The following INPP5D variants were observed in gnomAD, a reference collection of about 807,000 sequenced individuals.
The protein encoded by INPP5D is phosphatidylinositol 3,4,5-trisphosphate 5-phosphatase 1.
INPP5D carries 33 observed loss-of-function variants against 122.9 expected under a neutral mutation model. The ratio of observed to expected loss-of-function variants is 0.27; its 90% CI spans 0.20 to 0.36. The LOEUF is 0.36. Among genes scored for constraint, INPP5D ranks in the 10% least tolerant of loss-of-function variants. The pLI is 1.00. For missense variants in INPP5D, 1,053 were observed against 1,412.7 expected, an observed-to-expected ratio of 0.75 and a Z score of 4.08; for synonymous variants, 584 against 576.2, an observed-to-expected ratio of 1.01 and a Z score of -0.19.
rs966258231 is a variant in INPP5D, at chr2:233,082,143, T to A, written c.198+2745T>A. ...GTAGCTGACATGGTACAGGGAGCTG[T>A]GGACCTAGGTGGTCTGAAGAGGTTT... On this transcript the variant is annotated intron_variant, in intron 2 of 26. Coordinates refer to ENST00000445964, the MANE Select transcript of INPP5D (RefSeq NM_001017915.3). The surrounding 1 kb of genome is among the most constrained non-coding windows in gnomAD (Gnocchi z 4.7). Among the ~76,000 whole-genome samples, 2 of 152,144 alleles carry A rather than the reference T, an allele frequency of 1.3e-5. No individual in the cohort carries two copies. The highest frequency in any genetic ancestry group is 4.8e-5 in the African/African-American group (2 of 41,444).
intron 25 of INPP5D, among the ~76,000 whole-genome samples, chr2:233,199,797 C>G (rs1374205490): frequency 1.3e-5 from 2 of 152,134 alleles, no homozygotes; most frequent in Non-Finnish European, 2.9e-5. Flanking sequence ...CCACTGCACT[C>G]CAGCCTGGGC....
At chr2:233,104,535 C>G (rs947425026) in intron 2 of INPP5D, among the ~76,000 whole-genome samples, 1 of 151,972 alleles carries the variant, frequency 6.6e-6, no homozygotes, top group Non-Finnish European at 1.5e-5. Context: ...AAGGTGAGGT[C>G]GGAAGTGTGC....
At chr2:233,073,458 G>A (rs1691435428) in intron 1 of INPP5D, among the ~76,000 whole-genome samples, 1 of 151,960 alleles carries the variant, frequency 6.6e-6, no homozygotes. Context: ...TGGCCAACAT[G>A]GTGAAACCCC....
At chr2:233,174,948 C>T (rs911329478) in intron 17 of INPP5D, among the ~76,000 whole-genome samples, 3 of 151,986 alleles carry the variant, frequency 2.0e-5, no homozygotes, top group African/African-American at 4.8e-5. Flanking sequence ...AATGTTTAGC[C>T]GGGCATGGTG....
At chr2:233,113,535 G>A (rs1193927268) in intron 2 of INPP5D, among the ~76,000 whole-genome samples, 2 of 152,136 alleles carry the variant, frequency 1.3e-5, no homozygotes, top group Non-Finnish European at 2.9e-5. Flanking sequence ...CCATGTGGCT[G>A]AAGAGAGATT....
chr2:233,092,679 A>G (rs1249616085), intron 2 of INPP5D, among the ~76,000 whole-genome samples: 3 of 152,224 alleles, frequency 2.0e-5, no homozygotes, highest in African/African-American at 7.2e-5. Flanking sequence ...CCTTAATTGC[A>G]TGTGGCAGAA....
intron 2 of INPP5D, among the ~76,000 whole-genome samples, chr2:233,096,153 G>A (rs1692133435): frequency 6.6e-6 from 1 of 152,148 alleles, no homozygotes; most frequent in African/African-American, 2.4e-5. Flanking sequence ...CTATTACTGG[G>A]TTGAAGGAAT....
In INPP5D at chr2:233,204,490, G is replaced by A. The variant is rs183268527; in HGVS notation, c.3340G>A (p.Ala1114Thr). 1.3e-6 allele frequency: 2 copies of A among 1,583,260 alleles called. No homozygotes were observed. The highest frequency in any genetic ancestry group is 1.1e-5 in the South Asian group (1 of 87,100). ...GCCCAAGACCCCGGTCAGCTCCCAG[G>A]CCCCGGTGCCGGCCAAGAGGCCCAT... is the stretch of plus-strand genomic sequence containing the variant. Reference protein sequence around the residue: ...GKPKTPVSSQAPVPAKRPIKP... With the variant: ...GKPKTPVSSQTPVPAKRPIKP... The change falls in exon 26 of 27, where the codon GCC (alanine) becomes ACC (threonine). Residue 1114 changes from alanine (A) to threonine (T), a missense_variant. By Grantham distance (58) the Ala-to-Thr change is moderately conservative. This residue lies in a region of INPP5D where 417 missense variants were observed against 425.8 expected (regional missense o/e 0.98). Coordinates refer to ENST00000445964, the MANE Select transcript of INPP5D (RefSeq NM_001017915.3).
At chr2:233,174,324 C>T (rs915410182) in intron 17 of INPP5D, among the ~76,000 whole-genome samples, 3 of 152,190 alleles carry the variant, frequency 2.0e-5, no homozygotes, top group Non-Finnish European at 2.9e-5. Flanking sequence ...TAATGTGTTG[C>T]GCTGTGACGT....
At chr2:233,117,541 G>A (rs772227583) in intron 2 of INPP5D, among the ~76,000 whole-genome samples, 3 of 152,152 alleles carry the variant, frequency 2.0e-5, no homozygotes, top group Admixed American at 1.3e-4. Context: ...AGGCCACAGC[G>A]CCTGCTGGGC....
At position 233,170,543 on chromosome 2, in the gene INPP5D, C is replaced by T. The variant is rs200155452; in HGVS notation, c.1839C>T (p.Asp613=). The part of the protein sequence containing the change: ...IQKIKQQQYA[D]LLSHDQLLTE... The stretch of plus-strand genomic sequence containing the variant: ...AAATCAAGCAGCAGCAGTACGCAGA[C>T]CTCCTGTCCCACGACCAGCTGCTCA... The change falls in exon 16 of 27, where the codon GAC becomes GAT. Residue 613 remains aspartate, a synonymous_variant. Coordinates refer to ENST00000445964, the MANE Select transcript of INPP5D (RefSeq NM_001017915.3). This position sits in a 1 kb window ranked among gnomAD's most constrained non-coding sequence, Gnocchi z 4.5. The T allele has an allele frequency of 1.1e-5, 17 of 1,613,650 alleles. No individual in the cohort carries two copies. The highest frequency in any genetic ancestry group is 1.3e-5 in the Non-Finnish European group (15 of 1,179,818).
intron 14 of INPP5D, 40 bp from the exon 15 acceptor site, chr2:233,169,986 A>G: frequency 6.2e-7 from 1 of 1,613,090 alleles, no homozygotes; most frequent in Non-Finnish European, 8.5e-7. Flanking sequence ...AGGGGGAACC[A>G]GTGACCCCGT....
At chr2:233,185,561 T>C (rs991201149) in intron 20 of INPP5D, among the ~76,000 whole-genome samples, 3 of 151,454 alleles carry the variant, frequency 2.0e-5, no homozygotes, top group African/African-American at 4.9e-5. Context: ...GATTTCTTTG[T>C]TGCCTGGTTT....
Position 233,188,101 on chromosome 2 carries a change from TG to T in INPP5D, c.2359-1747del, listed in dbSNP as rs1694965760. Reference sequence around the variant, plus strand: ...CTTGCTGAGGCATCCTGAACGCTGATGGATCTTTCTGGAATGCCTCTCTGAT... The same window carrying T: ...CTTGCTGAGGCATCCTGAACGCTGATGATCTTTCTGGAATGCCTCTCTGAT... On this transcript the variant is annotated intron_variant, in intron 21 of 26. Coordinates refer to ENST00000445964, the MANE Select transcript of INPP5D (RefSeq NM_001017915.3). This position sits in a 1 kb window ranked among gnomAD's most constrained non-coding sequence, Gnocchi z 4.7. 6.6e-6 allele frequency among the ~76,000 whole-genome samples: 1 copy of T among 152,054 alleles called. No homozygotes were observed. The highest frequency in any genetic ancestry group is 6.5e-5 in the Admixed American group (1 of 15,280).
Position 233,164,567 on chromosome 2 carries a change from T to G in INPP5D, c.1555+143T>G. On this transcript the variant is annotated intron_variant, in intron 13 of 26. Transcript: ENST00000445964. The surrounding 1 kb of genome is among the most constrained non-coding windows in gnomAD (Gnocchi z 4.3). ...AGATCCTGGCTCAGTCCTCAGCAAATAGGGGTGATTGGTCTCCCTGGCTGA... is the reference window on the plus strand; with the variant it reads ...AGATCCTGGCTCAGTCCTCAGCAAAGAGGGGTGATTGGTCTCCCTGGCTGA... 7.9e-7 allele frequency: 1 copy of G among 1,260,510 alleles called. No homozygotes were observed. The highest frequency in any genetic ancestry group is 1.0e-6 in the Non-Finnish European group (1 of 968,812). The allele number at this position is 1,260,510 out of a possible 1,614,324, so 78.1% of individuals were successfully genotyped here.
chr2:233,094,710 C>T (rs1267154495), intron 2 of INPP5D, among the ~76,000 whole-genome samples: 1 of 151,866 alleles, frequency 6.6e-6, no homozygotes, highest in Non-Finnish European at 1.5e-5. Flanking sequence ...GGTCCCAGAC[C>T]CGGGAATTCA....
chr2:233,104,477 CA>C (rs922434440), intron 2 of INPP5D, among the ~76,000 whole-genome samples: 36 of 152,100 alleles, frequency 2.4e-4, no homozygotes, highest in African/African-American at 8.7e-4. Flanking sequence ...ACTCACGGGA[CA>C]GAGGCCCTGC....
chr2:233,095,447 C>T (rs979500114), intron 2 of INPP5D, among the ~76,000 whole-genome samples: 3 of 152,100 alleles, frequency 2.0e-5, no homozygotes, highest in East Asian at 3.9e-4. Context: ...TGGTAAAACC[C>T]CATCTCTACT....
At chr2:233,147,002 A>G (rs895995540) in intron 8 of INPP5D, among the ~76,000 whole-genome samples, 6 of 152,124 alleles carry the variant, frequency 3.9e-5, no homozygotes, top group African/African-American at 1.2e-4. Flanking sequence ...ATTATCCTCT[A>G]TTAAGATAAA....
Sources: allele counts gnomAD v4.1 joint callset (sites outside exome capture counted in the v4.1 genomes callset), GRCh38; gene constraint gnomAD v4.1.1; regional missense constraint gnomAD v4.1.1; non-coding constraint Gnocchi (gnomAD v3.1); transcripts MANE v1.5; gene names NCBI Gene and HGNC (gene_info 2026-07-23, HGNC 2026-07-21).